Variants in KCNB2 observed in about 807,000 individuals in gnomAD.
KCNB2 encodes potassium voltage-gated channel subfamily B member 2.
In KCNB2, 15 loss-of-function variants were observed where a neutral mutation model predicts 61.5. That is an observed-to-expected ratio of 0.24 (90% CI 0.16 to 0.38). The LOEUF (loss-of-function observed/expected upper bound fraction) is 0.38, where lower values mean the gene tolerates loss of function less well. Among genes scored for constraint, KCNB2 ranks in the 10% least tolerant of loss-of-function variants. The pLI, the probability that KCNB2 is intolerant of heterozygous loss-of-function variation, is 1.00. For missense variants in KCNB2, 828 were observed against 1,125.2 expected, an observed-to-expected ratio of 0.74 and a Z score of 3.78; for synonymous variants, 457 against 446.0, an observed-to-expected ratio of 1.02 and a Z score of -0.31.
chr8:72,731,140 G>T (rs529872766), intron 2 of KCNB2, among the ~76,000 whole-genome samples: 2 of 152,298 alleles, frequency 1.3e-5, no homozygotes, highest in Non-Finnish European at 2.9e-5. Flanking sequence ...TTGGATGGAA[G>T]GGTGAGTGAG....
intron 2 of KCNB2, among the ~76,000 whole-genome samples, chr8:72,686,878 A>G (rs1344138808): frequency 6.6e-6 from 1 of 152,216 alleles, no homozygotes; most frequent in Non-Finnish European, 1.5e-5. Context: ...TAGCCATCTT[A>G]AAATTATTTT....
intron 2 of KCNB2, among the ~76,000 whole-genome samples, chr8:72,737,904 C>T (rs543185972): frequency 6.6e-6 from 1 of 152,168 alleles, no homozygotes; most frequent in Non-Finnish European, 1.5e-5. Flanking sequence ...TCAGGTACCA[C>T]TAAAAAAATA....
intron 2 of KCNB2, among the ~76,000 whole-genome samples, chr8:72,923,416 C>T (rs181531781): frequency 3.3e-5 from 5 of 152,170 alleles, no homozygotes; most frequent in Non-Finnish European, 7.4e-5. Flanking sequence ...TATTTTAGGG[C>T]CTGCTATCTG....
chr8:72,562,363 C>T (rs555035697), intron 1 of KCNB2, among the ~76,000 whole-genome samples: 2 of 152,206 alleles, frequency 1.3e-5, no homozygotes, highest in South Asian at 4.2e-4. Context: ...TGGCCCTGAG[C>T]GGGTGGCAGC....
chr8:72,841,361 C>CTTTTTT (rs796222096), intron 2 of KCNB2, among the ~76,000 whole-genome samples: 10 of 66,182 alleles, frequency 1.5e-4, no homozygotes, highest in East Asian at 4.3e-4. Context: ...GTTTTCTTTT[C>CTTTTTT]TTTTTTTTTT....
chr8:72,796,433 C>T (rs1018374612), intron 2 of KCNB2, among the ~76,000 whole-genome samples: 2 of 151,950 alleles, frequency 1.3e-5, no homozygotes, highest in African/African-American at 4.8e-5. Flanking sequence ...AATCATACAG[C>T]CAGCGATTTG....
At chr8:72,887,346 A>G (rs1805822857) in intron 2 of KCNB2, among the ~76,000 whole-genome samples, 1 of 152,216 alleles carries the variant, frequency 6.6e-6, no homozygotes, top group Non-Finnish European at 1.5e-5. Flanking sequence ...GATGGAAAAT[A>G]TTACCTAAAA....
intron 2 of KCNB2, among the ~76,000 whole-genome samples, chr8:72,573,938 G>C (rs538915492): frequency 1.2e-4 from 19 of 152,322 alleles, no homozygotes; most frequent in African/African-American, 4.3e-4. Context: ...CATCTATACA[G>C]ATTAAGCAGT....
In KCNB2 at chr8:72,864,055, G is replaced by A. The variant is rs1013654893; in HGVS notation, c.580-71880G>A. Among the ~76,000 whole-genome samples the A allele has an allele frequency of 3.3e-5, 5 of 152,176 alleles. No individual in the cohort carries two copies. In the East Asian group the frequency reaches 9.6e-4, roughly 29 times the overall value. ...TCGCTTTTTGCACACTTACCCACGT[G>A]ACAGAGGAGGGAAAAACCACTGATT... On this transcript the variant is annotated intron_variant, in intron 2 of 2. Coordinates refer to ENST00000523207, the MANE Select transcript of KCNB2 (RefSeq NM_004770.3).
chr8:72,835,530 G>A (rs1018867828), intron 2 of KCNB2, among the ~76,000 whole-genome samples: 6 of 152,108 alleles, frequency 3.9e-5, no homozygotes, highest in Admixed American at 2.0e-4. Flanking sequence ...TGAGAGCTAC[G>A]GGAACTGGAC....
chr8:72,671,350 T>C (rs1005185837), intron 2 of KCNB2, among the ~76,000 whole-genome samples: 40 of 152,314 alleles, frequency 2.6e-4, no homozygotes, highest in Admixed American at 2.0e-4. Context: ...AAGTTAATAA[T>C]GTTGAGCATT....
intron 2 of KCNB2, among the ~76,000 whole-genome samples, chr8:72,583,327 A>G (rs1025971209): frequency 1.3e-5 from 2 of 152,174 alleles, no homozygotes; most frequent in Non-Finnish European, 2.9e-5. Flanking sequence ...TTTAAGCCTT[A>G]TATACATCTT....
At chr8:72,769,329 T>C (rs1486646594) in intron 2 of KCNB2, among the ~76,000 whole-genome samples, 1 of 152,042 alleles carries the variant, frequency 6.6e-6, no homozygotes, top group Non-Finnish European at 1.5e-5. Context: ...TATTGGACAC[T>C]GATCAAGTAG....
At chr8:72,701,641 A>G (rs1034023557) in intron 2 of KCNB2, among the ~76,000 whole-genome samples, 1 of 152,172 alleles carries the variant, frequency 6.6e-6, no homozygotes, top group African/African-American at 2.4e-5. Context: ...TATCAATACT[A>G]TTTTTAAGAA....
At chr8:72,915,823 G>A (rs970192313) in intron 2 of KCNB2, among the ~76,000 whole-genome samples, 21 of 152,306 alleles carry the variant, frequency 1.4e-4, no homozygotes, top group Middle Eastern at 3.4e-3. Flanking sequence ...GGAGGCTGAG[G>A]CAGGAGAATG....
At chr8:72,684,884 G>A (rs28713602) in intron 2 of KCNB2, among the ~76,000 whole-genome samples, 11,526 of 152,214 alleles carry the variant, frequency 0.076, 1,266 homozygotes, top group African/African-American at 0.24. Flanking sequence ...TAATTTAAGT[G>A]TCAATTTTAT....
At chr8:72,732,222 C>G (rs1807757084) in intron 2 of KCNB2, 1 of 152,210 alleles carries the variant, frequency 6.6e-6, no homozygotes, top group Admixed American at 6.5e-5. Context: ...TATTCAGAGG[C>G]AGCTTATTAT....
At chr8:72,872,637 G>A (rs994282984) in intron 2 of KCNB2, among the ~76,000 whole-genome samples, 2 of 152,166 alleles carry the variant, frequency 1.3e-5, no homozygotes, top group South Asian at 4.1e-4. Flanking sequence ...CAGTTAATGA[G>A]AGCAAGATAT....
intron 2 of KCNB2, among the ~76,000 whole-genome samples, chr8:72,590,028 A>C (rs1398901705): frequency 6.6e-6 from 1 of 151,638 alleles, no homozygotes; most frequent in Non-Finnish European, 1.5e-5. Flanking sequence ...CACAAATTTC[A>C]CTGACGTATA....
Sources: gnomAD v4.1 joint callset for allele counts (sites outside exome capture counted in the v4.1 genomes callset) on GRCh38, gnomAD v4.1.1 for gene constraint, MANE v1.5 for transcripts, NCBI Gene and HGNC (gene_info 2026-07-23, HGNC 2026-07-21) for gene names.